The following ADCY8 variants were observed in gnomAD, a reference collection of about 807,000 sequenced individuals.
The protein encoded by ADCY8 is adenylate cyclase 8.
A neutral mutation model predicts 119.7 loss-of-function variants in ADCY8; 51 were observed. The ratio of observed to expected loss-of-function variants is 0.43; its 90% CI spans 0.34 to 0.54. The LOEUF (loss-of-function observed/expected upper bound fraction) is 0.54, where lower values mean the gene tolerates loss of function less well. Among genes scored for constraint, ADCY8 ranks in the 20% least tolerant of loss-of-function variants. The probability of loss-of-function intolerance (pLI) is 0.03; values close to 1 mark genes in which losing one functional copy is unlikely to be tolerated. For synonymous variants in ADCY8, 665 were observed against 651.0 expected (o/e 1.02, Z -0.33); for missense variants, 1,383 against 1,598.8 (o/e 0.87, Z 2.30).
intron 2 of ADCY8, among the ~76,000 whole-genome samples, chr8:130,977,067 G>A (rs1293292870): frequency 6.6e-6 from 1 of 152,148 alleles, no homozygotes; most frequent in African/African-American, 2.4e-5. Context: ...CCAGTGCTCC[G>A]AAACAGAAAT....
At chr8:131,013,182 G>A (rs1421021609) in intron 1 of ADCY8, among the ~76,000 whole-genome samples, 1 of 152,118 alleles carries the variant, frequency 6.6e-6, no homozygotes, top group African/African-American at 2.4e-5. Flanking sequence ...GACAAATTAG[G>A]CCCCTTCCCA....
At chr8:130,849,924 TC>T in intron 9 of ADCY8, 121 bp from the exon 10 acceptor site, 1 of 1,014,488 alleles carries the variant, frequency 9.9e-7, no homozygotes, top group African/African-American at 1.6e-5. Context: ...GTTCTGTTTG[TC>T]CAAGAAAAAG....
At chr8:130,847,356 G>T in intron 11 of ADCY8, 68 bp downstream of exon 11, 2 of 1,209,064 alleles carry the variant, frequency 1.7e-6, no homozygotes, top group Non-Finnish European at 2.4e-6. Flanking sequence ...AGCCAGTCTT[G>T]TTTATTTGGA....
At chr8:130,781,238 G>C (rs1296600345) in intron 17 of ADCY8, among the ~76,000 whole-genome samples, 1 of 152,204 alleles carries the variant, frequency 6.6e-6, no homozygotes, top group Non-Finnish European at 1.5e-5. Context: ...GCATGGACCA[G>C]AAGTCAGGAC....
intron 9 of ADCY8, among the ~76,000 whole-genome samples, chr8:130,856,045 C>T (rs980847895): frequency 2.6e-5 from 4 of 152,082 alleles, no homozygotes; most frequent in African/African-American, 9.7e-5. Flanking sequence ...TCAGAATGCT[C>T]TATTTCCAGC....
Position 130,999,528 on chromosome 8 carries a change from C to A in ADCY8, c.961-8986G>T, listed in dbSNP as rs112934677. ...GGAGGTGGGAAAGGGGGATATCTCCCTGGGGTGTCCTGAGGGGCCCGTCCT... is the reference window on the plus strand; with the variant it reads ...GGAGGTGGGAAAGGGGGATATCTCCATGGGGTGTCCTGAGGGGCCCGTCCT... On this transcript the variant is annotated intron_variant, in intron 1 of 17. Transcript: ENST00000286355. Among the ~76,000 whole-genome samples the A allele has an allele frequency of 5.6e-3, 848 of 152,228 alleles. 6 individuals are homozygous for A. The highest frequency in any genetic ancestry group is 0.02 in the African/African-American group (820 of 41,526).
At chr8:131,017,214 C>T (rs981798821) in intron 1 of ADCY8, among the ~76,000 whole-genome samples, 1 of 152,076 alleles carries the variant, frequency 6.6e-6, no homozygotes, top group African/African-American at 2.4e-5. Context: ...GGACTACAGG[C>T]ATGTGCCACC....
intron 9 of ADCY8, among the ~76,000 whole-genome samples, chr8:130,864,124 G>A (rs185275475): frequency 2.0e-5 from 3 of 152,174 alleles, no homozygotes; most frequent in East Asian, 1.9e-4. Flanking sequence ...TTGACTCCAC[G>A]CTCTTCTTGC....
At chr8:130,923,617 G>T (rs2130589716) in intron 5 of ADCY8, among the ~76,000 whole-genome samples, 2 of 152,314 alleles carry the variant, frequency 1.3e-5, no homozygotes, top group South Asian at 4.1e-4. Context: ...ACAGAGCCCA[G>T]TGTCAGCCCT....
At chr8:130,943,170 A>T (rs1239420459) in intron 4 of ADCY8, 181 bp downstream of exon 4, 1 of 494,304 alleles carries the variant, frequency 2.0e-6, no homozygotes, top group African/African-American at 1.9e-5. Flanking sequence ...AACCTCCTGC[A>T]TGAGACCTGT....
chr8:130,935,242 TC>T (rs1820749235), intron 5 of ADCY8, among the ~76,000 whole-genome samples: 1 of 152,162 alleles, frequency 6.6e-6, no homozygotes, highest in Non-Finnish European at 1.5e-5. Context: ...TTACTCTGGA[TC>T]CACTTTGATC....
rs1820172807 is a variant in ADCY8 at position 130,917,739 on chromosome 8, A to T, written c.1482-7873T>A. On this transcript the variant is annotated intron_variant, in intron 5 of 17. Coordinates refer to ENST00000286355, the MANE Select transcript of ADCY8 (RefSeq NM_001115.3). ...TTATTTCCTGAAATGGCCCTAACTC[A>T]GGGGTGAGGGAGGCACAGGGAGTTT... Among the ~76,000 whole-genome samples the T allele has an allele frequency of 2.0e-5, 3 of 150,078 alleles. No homozygotes were observed. In the South Asian group the frequency reaches 6.3e-4, roughly 32 times the overall value.
chr8:131,019,722 A>C (rs1377543584), intron 1 of ADCY8, among the ~76,000 whole-genome samples: 1 of 151,716 alleles, frequency 6.6e-6, no homozygotes, highest in African/African-American at 2.4e-5. Context: ...TCAGGTGAGC[A>C]AGCATACCTG....
chr8:131,001,904 T>C (rs1255754914), intron 1 of ADCY8, among the ~76,000 whole-genome samples: 1 of 151,872 alleles, frequency 6.6e-6, no homozygotes, highest in Non-Finnish European at 1.5e-5. Context: ...GGGAAAAGAG[T>C]AGAGGGGGTG....
chr8:130,947,036 T>C (rs902984859), intron 3 of ADCY8, among the ~76,000 whole-genome samples: 6 of 152,190 alleles, frequency 3.9e-5, no homozygotes, highest in Non-Finnish European at 7.3e-5. Context: ...ATCAAGTCTT[T>C]TGATTCTTGG....
intron 1 of ADCY8, among the ~76,000 whole-genome samples, chr8:131,002,557 T>C (rs1822981831): frequency 6.6e-6 from 1 of 152,026 alleles, no homozygotes; most frequent in African/African-American, 2.4e-5. Context: ...CTGCCCTTTA[T>C]AAATAGTACA....
At position 130,860,628 on chromosome 8, in the gene ADCY8, T is replaced by G. The variant is rs1817894839; in HGVS notation, c.2210+7218A>C. On this transcript the variant is annotated intron_variant, in intron 9 of 17. Coordinates refer to ENST00000286355, the MANE Select transcript of ADCY8 (RefSeq NM_001115.3). ...CATATGGATACCCAATTTCTTAATT[T>G]ATTTTTTTATTTTACTTTAAGTTCT... 2.0e-5 allele frequency among the ~76,000 whole-genome samples: 3 copies of G among 152,310 alleles called. No homozygotes were observed. The East Asian group carries it at 5.8e-4, about 29-fold the overall frequency.
At position 130,904,049 on chromosome 8, in the gene ADCY8, G is replaced by T. The variant is rs886906272; in HGVS notation, c.1641-7C>A. Reference sequence around the variant, plus strand: ...TTTGGAAATGTGAATCCTCCTGTGTGTAGAAGGCATAGGTCATTACACACT... The same window carrying T: ...TTTGGAAATGTGAATCCTCCTGTGTTTAGAAGGCATAGGTCATTACACACT... On this transcript the variant is annotated splice_region_variant and splice_polypyrimidine_tract_variant and intron_variant, in intron 6 of 17. Transcript: ENST00000286355. 6.2e-7 allele frequency: 1 copy of T among 1,609,640 alleles called. No homozygotes were observed. Among genetic ancestry groups the T allele is most frequent in the African/African-American group, 1.3e-5 (1 of 74,986 alleles).
chr8:130,870,819 C>T (rs529160137), intron 8 of ADCY8, among the ~76,000 whole-genome samples: 7 of 152,048 alleles, frequency 4.6e-5, no homozygotes, highest in South Asian at 2.1e-4. Flanking sequence ...AGACAAAGTA[C>T]GGAGACGTAC....
Sources: gnomAD v4.1 joint callset for allele counts (sites outside exome capture counted in the v4.1 genomes callset) on GRCh38, gnomAD v4.1.1 for gene constraint, MANE v1.5 for transcripts, NCBI Gene and HGNC (gene_info 2026-07-23, HGNC 2026-07-21) for gene names.